The following JCAD variants were observed in gnomAD, a reference collection of about 807,000 sequenced individuals.
JCAD encodes junctional cadherin 5-associated protein.
Under a neutral mutation model 98.0 loss-of-function variants are expected in JCAD, and 40 were observed. That is an observed-to-expected ratio of 0.41 (90% CI 0.32 to 0.53). The LOEUF is 0.53. Among genes scored for constraint, JCAD ranks in the 20% least tolerant of loss-of-function variants. The pLI, the probability that JCAD is intolerant of heterozygous loss-of-function variation, is 0.31. For missense variants in JCAD, 1,705 were observed against 1,738.1 expected, an observed-to-expected ratio of 0.98 and a Z score of 0.34; for synonymous variants, 691 against 682.3, an observed-to-expected ratio of 1.01 and a Z score of -0.20.
In JCAD at chr10:30,027,959, G is replaced by A. The variant is rs375006725; in HGVS notation, c.2189C>T (p.Ala730Val). The A allele has an allele frequency of 3.7e-6, 6 of 1,614,124 alleles. No individual in the cohort carries two copies. The African/African-American group carries it at 6.7e-5, about 18-fold the overall frequency. ...GGTAGGGAATGCTGTGTGCGTCTGA[G>A]CTTCGGAGGCAGCAGGGTCTGAACA... ...PKCSDPAASE[A>V]QTHTAFPTGD... The change falls in exon 3 of 4, where the codon GCT (alanine) becomes GTT (valine). Residue 730 changes from alanine (A) to valine (V), a missense_variant. Coordinates refer to ENST00000375377, the MANE Select transcript of JCAD (RefSeq NM_020848.4).
chr10:30,037,677 G>C (rs1014328301), intron 2 of JCAD, among the ~76,000 whole-genome samples: 1 of 152,074 alleles, frequency 6.6e-6, no homozygotes, highest in African/African-American at 2.4e-5. Flanking sequence ...GGGTCTGGAA[G>C]AGGAAGCATA....
chr10:30,050,258 T>C (rs1837439928), intron 1 of JCAD, among the ~76,000 whole-genome samples: 1 of 130,098 alleles, frequency 7.7e-6, no homozygotes, highest in South Asian at 2.3e-4. Flanking sequence ...GAGGTGGCCA[T>C]GAGCCAAAAT....
Position 30,026,112 on chromosome 10 carries a change from A to T in JCAD, c.4036T>A (p.Trp1346Arg), listed in dbSNP as rs191247482. ...QKEKSMDQDF[W>R]CPDSYDPSRV... Reference sequence around the variant, plus strand: ...CTGCCTGATTCCTCACCTGGGCACCAGAAGTCTTGATCCATGCTCTTCTCC... The same window carrying T: ...CTGCCTGATTCCTCACCTGGGCACCTGAAGTCTTGATCCATGCTCTTCTCC... The change falls in exon 3 of 4, where the codon TGG becomes AGG. Residue 1346 changes from tryptophan to arginine, a missense_variant. By Grantham distance (101) the Trp-to-Arg change is moderately radical. Coordinates refer to ENST00000375377, the MANE Select transcript of JCAD (RefSeq NM_020848.4). 8.5e-5 allele frequency: 137 copies of T among 1,614,186 alleles called. No individual in the cohort carries two copies. The East Asian group carries it at 2.4e-3, about 28-fold the overall frequency.
chr10:30,106,300 G>A (rs149012234), intron 1 of JCAD, among the ~76,000 whole-genome samples: 1 of 152,168 alleles, frequency 6.6e-6, no homozygotes, highest in East Asian at 1.9e-4. Flanking sequence ...GCATGATGGT[G>A]TGTGCCTGTA....
Position 30,038,733 on chromosome 10 carries a change from A to AAAGAGAG in JCAD, c.281+8792_281+8798dup, listed in dbSNP as rs904024250. ...AAGAAAGAAAAGAAAAGAGAAAGAGAAAGAGAGAAGAGAGAAGAGAGAAGC... is the reference window on the plus strand; with the variant it reads ...AAGAAAGAAAAGAAAAGAGAAAGAGAAAGAGAGAAGAGAGAAGAGAGAAGAGAGAAGC... On this transcript the variant is annotated intron_variant, in intron 2 of 3. Coordinates refer to ENST00000375377, the MANE Select transcript of JCAD (RefSeq NM_020848.4). Among the ~76,000 whole-genome samples the AAAGAGAG allele has an allele frequency of 5.3e-5, 8 of 151,344 alleles. No homozygotes were observed. The East Asian group carries it at 5.8e-4, about 11-fold the overall frequency.
At chr10:30,109,646 C>T (rs1054980206) in intron 1 of JCAD, among the ~76,000 whole-genome samples, 1 of 152,158 alleles carries the variant, frequency 6.6e-6, no homozygotes, top group African/African-American at 2.4e-5. Flanking sequence ...AGCCTCCATC[C>T]CCACAATCCA....
intron 1 of JCAD, among the ~76,000 whole-genome samples, chr10:30,073,437 C>T (rs1837928725): frequency 6.6e-6 from 1 of 152,176 alleles, no homozygotes; most frequent in Non-Finnish European, 1.5e-5. Flanking sequence ...CAAAGCACCT[C>T]GAACATCATG....
chr10:30,114,086 T>C (rs1838752148), intron 1 of JCAD, among the ~76,000 whole-genome samples: 1 of 152,110 alleles, frequency 6.6e-6, no homozygotes, highest in Non-Finnish European at 1.5e-5. Flanking sequence ...ATAAGGGCTA[T>C]TGAGAGAATA....
In JCAD at chr10:30,027,809, C is replaced by T; in HGVS notation, c.2339G>A (p.Gly780Asp). The T allele has an allele frequency of 1.9e-6, 3 of 1,614,264 alleles. No individual in the cohort carries two copies. The highest frequency in any genetic ancestry group is 2.5e-6 in the Non-Finnish European group (3 of 1,180,046). ...GACATCCACGCAGGGCTGACTTCGGCCTGCTTTTGGCGTCGGTGCCTGGTC... is the reference window on the plus strand; with the variant it reads ...GACATCCACGCAGGGCTGACTTCGGTCTGCTTTTGGCGTCGGTGCCTGGTC... ...SVDQAPTPKAGRSQPCVDVHG... is the reference protein window; with the variant it reads ...SVDQAPTPKADRSQPCVDVHG... The change falls in exon 3 of 4, where the codon GGC (glycine) becomes GAC (aspartate). Residue 780 changes from glycine (G) to aspartate (D), a missense_variant. This residue lies in a region of JCAD where 1,278 missense variants were observed against 1,243.1 expected (regional missense o/e 1.03). Transcript: ENST00000375377.
chr10:30,027,618 C>G lies in JCAD; in HGVS notation c.2530G>C (p.Glu844Gln), dbSNP rs1836860730. The G allele has an allele frequency of 6.2e-7, 1 of 1,614,258 alleles. No homozygotes were observed. Among genetic ancestry groups the G allele is most frequent in the Non-Finnish European group, 8.5e-7 (1 of 1,180,042 alleles). ...QLESFNKELQ[E>Q]EEESSSSSSS... ...CTGCTACTGCTGCTTTCTTCCTCTTCCTGGAGCTCCTTGTTAAAACTTTCT... is the reference window on the plus strand; with the variant it reads ...CTGCTACTGCTGCTTTCTTCCTCTTGCTGGAGCTCCTTGTTAAAACTTTCT... Residue 844 changes from glutamate to glutamine, a missense_variant, in exon 3 of 4, where the codon GAA (glutamate) becomes CAA (glutamine). Glu to Gln is a conservative substitution (Grantham distance 29). This residue lies in a region of JCAD where 1,278 missense variants were observed against 1,243.1 expected (regional missense o/e 1.03). Coordinates refer to ENST00000375377, the MANE Select transcript of JCAD (RefSeq NM_020848.4).
rs1776309633 is a variant in JCAD at position 30,017,318 on chromosome 10, CAAGTTACTTAT to C, written c.*554_*564del. On this transcript the variant is annotated 3_prime_UTR_variant, in exon 4 of 4. Coordinates refer to ENST00000375377, the MANE Select transcript of JCAD (RefSeq NM_020848.4). Reference sequence around the variant, plus strand: ...AGATATTGCTTTTATTCTCTGATGGCAAGTTACTTATAAGTAAAGTTACTTCCAGCAGCAGA... The same window carrying C: ...AGATATTGCTTTTATTCTCTGATGGCAAGTAAAGTTACTTCCAGCAGCAGA... The C allele has an allele frequency of 6.5e-6, 1 of 154,316 alleles. No individual in the cohort carries two copies. Among genetic ancestry groups the C allele is most frequent in the Non-Finnish European group, 1.4e-5 (1 of 69,672 alleles). 9.6% of individuals were successfully genotyped at this position (154,316 alleles called of 1,614,324 possible). A position where few individuals can be genotyped will look rare whatever the true frequency, so the allele number is the denominator to read the frequency against.
At chr10:30,051,701 C>A (rs1837474492) in intron 1 of JCAD, among the ~76,000 whole-genome samples, 1 of 151,900 alleles carries the variant, frequency 6.6e-6, no homozygotes, top group African/African-American at 2.4e-5. Context: ...AAGCAGGGGA[C>A]TAAAGTGGAT....
rs1019900536 is a variant in JCAD at position 30,026,933 on chromosome 10, C to T, written c.3215G>A (p.Ser1072Asn). ...SELEGSLGEA[S>N]TIEIPPGESL... is the part of the protein sequence containing the mutation. ...CTCACCTGGGGGGATTTCTATTGTG[C>T]TTGCTTCACCCAAAGACCCCTCTAG... Residue 1072 changes from serine (S) to asparagine (N), a missense_variant, in exon 3 of 4, where the codon AGC becomes AAC. Ser to Asn is a conservative substitution (Grantham distance 46). Transcript: ENST00000375377. 6 of 1,614,066 alleles carry T rather than the reference C, an allele frequency of 3.7e-6. No homozygotes were observed. In the African/African-American group the frequency reaches 6.7e-5, roughly 18 times the overall value.
chr10:30,035,913 T>A (rs948804166), intron 2 of JCAD, among the ~76,000 whole-genome samples: 1 of 152,062 alleles, frequency 6.6e-6, no homozygotes, highest in Admixed American at 6.5e-5. Flanking sequence ...CAGCCCCATC[T>A]CTCATCTCAG....
intron 2 of JCAD, among the ~76,000 whole-genome samples, chr10:30,039,024 G>C (rs377523811): frequency 1.2e-4 from 18 of 152,204 alleles, no homozygotes; most frequent in Admixed American, 1.2e-3. Flanking sequence ...ACTCACGCCA[G>C]CTATTTAAAT....
chr10:30,102,575 A>G (rs965914926), intron 1 of JCAD, among the ~76,000 whole-genome samples: 5 of 152,184 alleles, frequency 3.3e-5, no homozygotes, highest in African/African-American at 1.2e-4. Flanking sequence ...GAACATTTAT[A>G]CCTGTTAAAC....
chr10:30,095,427 A>T (rs1838352829), intron 1 of JCAD, among the ~76,000 whole-genome samples: 1 of 152,152 alleles, frequency 6.6e-6, no homozygotes. Context: ...AACAATGGGC[A>T]CCAGTGTCCC....
At chr10:30,070,237 T>C (rs565461719) in intron 1 of JCAD, among the ~76,000 whole-genome samples, 1 of 152,326 alleles carries the variant, frequency 6.6e-6, no homozygotes, top group East Asian at 1.9e-4. Flanking sequence ...AGCCAGTGTC[T>C]TATCTAGCTG....
rs576415679 is a variant in JCAD at position 30,019,287 on chromosome 10, G to A, written c.4046-1370C>T. On this transcript the variant is annotated intron_variant, in intron 3 of 3. Coordinates refer to ENST00000375377, the MANE Select transcript of JCAD (RefSeq NM_020848.4). ...CAAGAGAATCGCTTGAATCCAGGAG[G>A]CGGAGGTTGCTGTGAGCCGAGATGG... Among the ~76,000 whole-genome samples the A allele has an allele frequency of 1.3e-4, 19 of 151,422 alleles. 2 individuals carry two copies. The South Asian group carries it at 3.1e-3, about 25-fold the overall frequency.
Sources: gnomAD v4.1 joint callset for allele counts (sites outside exome capture counted in the v4.1 genomes callset) on GRCh38, gnomAD v4.1.1 for gene constraint, gnomAD v4.1.1 regional missense constraint, MANE v1.5 for transcripts, NCBI Gene and HGNC (gene_info 2026-07-23, HGNC 2026-07-21) for gene names.